SF3B2: variants seen among roughly 807,000 people sequenced by gnomAD.
The protein encoded by SF3B2 is SAP 145.
In SF3B2, 22 loss-of-function variants were observed where a neutral mutation model predicts 116.3. The ratio of observed to expected loss-of-function variants is 0.19; its 90% CI spans 0.14 to 0.27. SF3B2 has a LOEUF of 0.27. Among genes scored for constraint, SF3B2 ranks in the 10% least tolerant of loss-of-function variants. SF3B2 has a pLI of 1.00. For missense variants in SF3B2, 767 were observed against 1,151.4 expected (o/e 0.67, Z 4.83); for synonymous variants, 406 against 421.6 (o/e 0.96, Z 0.45).
chr11:66,062,885 C>T (rs1485372954), intron 16 of SF3B2, 124 bp from the exon 17 acceptor site: 1 of 525,250 alleles, frequency 1.9e-6, no homozygotes, highest in Non-Finnish European at 3.3e-6. Flanking sequence ...TGATTTAATT[C>T]TGCAGTCATA....
At chr11:66,061,424 T>C (rs923704600) in intron 14 of SF3B2, among the ~76,000 whole-genome samples, 2 of 152,214 alleles carry the variant, frequency 1.3e-5, no homozygotes, top group African/African-American at 4.8e-5. Context: ...GAATTTTGCA[T>C]ATCTTCCTGT....
intron 5 of SF3B2, 80 bp from the exon 6 acceptor site, chr11:66,056,758 C>T (rs1304305034): frequency 1.0e-5 from 11 of 1,063,128 alleles, no homozygotes; most frequent in Middle Eastern, 2.0e-4. Context: ...GCCCATTACC[C>T]GGCTGAAAGA....
At chr11:66,064,638 T>G (rs987549692) in intron 19 of SF3B2, 2 of 152,222 alleles carry the variant, frequency 1.3e-5, no homozygotes, top group Admixed American at 1.3e-4. Context: ...GGTTTCTATC[T>G]GATATCATTT....
chr11:66,063,886 G>A (rs1391903114), intron 19 of SF3B2, among the ~76,000 whole-genome samples, 157 bp downstream of exon 19: 1 of 152,192 alleles, frequency 6.6e-6, no homozygotes, highest in Non-Finnish European at 1.5e-5. Flanking sequence ...AGCAGTTGAG[G>A]TAAACTGGTA....
Position 66,052,557 on chromosome 11 carries a change from C to A in SF3B2, c.133+40C>A, listed in dbSNP as rs773740653. The A allele has an allele frequency of 2.5e-6, 4 of 1,597,944 alleles. No homozygotes were observed. The Middle Eastern group carries it at 6.7e-4, about 269-fold the overall frequency. On this transcript the variant is annotated intron_variant, in intron 1 of 21. Transcript: ENST00000322535. ...AAGTCGAGGGGCCTTTACGGGCCTG[C>A]GGAGAAGCGGAGCCTGGTTACCCGG...
In SF3B2 at chr11:66,059,790, T is replaced by C. The variant is rs1389355185; in HGVS notation, c.1410T>C (p.Ala470=). Reference sequence around the variant, plus strand: ...TACTATGTGTTTTCCAGCTGGTGGCTCGGCCCGATGTCGTGGAGATGCACG... The same window carrying C: ...TACTATGTGTTTTCCAGCTGGTGGCCCGGCCCGATGTCGTGGAGATGCACG... ...FTVAELKQLV[A]RPDVVEMHDV... The change falls in exon 13 of 22, where the codon GCT becomes GCC. Residue 470 remains alanine (A), a synonymous_variant. Coordinates refer to ENST00000322535, the MANE Select transcript of SF3B2 (RefSeq NM_006842.3). The surrounding 1 kb of genome is among the most constrained non-coding windows in gnomAD (Gnocchi z 5.0). 2.5e-6 allele frequency: 4 copies of C among 1,614,140 alleles called. No individual in the cohort carries two copies. The South Asian group carries it at 3.3e-5, about 13-fold the overall frequency.
intron 7 of SF3B2, 109 bp from the exon 8 acceptor site, chr11:66,057,945 C>T: frequency 1.2e-6 from 1 of 832,722 alleles, no homozygotes; most frequent in Non-Finnish European, 1.8e-6. Context: ...GCACTCCAGC[C>T]TGGGCAACAA....
In SF3B2 at chr11:66,058,822, C is replaced by T. The variant is rs375585184; in HGVS notation, c.967-8C>T. The T allele has an allele frequency of 6.2e-7, 1 of 1,606,590 alleles. No homozygotes were observed. Among genetic ancestry groups the T allele is most frequent in the Non-Finnish European group, 8.5e-7 (1 of 1,177,320 alleles). On this transcript the variant is annotated splice_region_variant and splice_polypyrimidine_tract_variant and intron_variant, in intron 9 of 21. Transcript: ENST00000322535. ...CCCTGACCCAGCTGGTTTTCCTCCT[C>T]TTGACAGAAAAACCGGAAGCGTAGG...
chr11:66,063,522 C>A lies in SF3B2; in HGVS notation c.2208C>A (p.Gly736=), dbSNP rs1322596431. ...ATGAAGACAAACCAGATGAGACAGG[C>A]TTTATTACCCCTGCAGACAGGTGGG... The part of the protein sequence containing the change: ...ESDEDKPDET[G]FITPADSGLI... Residue 736 remains glycine, a synonymous_variant, in exon 18 of 22, where the codon GGC becomes GGA. Transcript: ENST00000322535. 1.2e-6 allele frequency: 2 copies of A among 1,613,880 alleles called. No homozygotes were observed. Among genetic ancestry groups the A allele is most frequent in the South Asian group, 1.1e-5 (1 of 91,020 alleles).
rs926875692 is a variant in SF3B2, at chr11:66,063,787, GCTGA to G, written c.2330+62_2330+65del. On this transcript the variant is annotated intron_variant, in intron 19 of 21. Coordinates refer to ENST00000322535, the MANE Select transcript of SF3B2 (RefSeq NM_006842.3). The stretch of plus-strand genomic sequence containing the variant: ...ACCTTCACTTCCCTTTGGCTGGCTG[GCTGA>G]CTGTTGTTCCTTTCTCCCTCATCCT... 5.7e-5 allele frequency: 78 copies of G among 1,361,344 alleles called. No homozygotes were observed. The Admixed American group carries it at 2.0e-3, about 34-fold the overall frequency. The allele number at this position is 1,361,344 out of a possible 1,614,324, so 84.3% of individuals were successfully genotyped here.
intron 19 of SF3B2, chr11:66,065,355 T>C (rs1424646300): frequency 6.6e-6 from 1 of 152,242 alleles, no homozygotes; most frequent in African/African-American, 2.4e-5. Context: ...TTCTTACCTT[T>C]GTTCCTGTGT....
In SF3B2 at chr11:66,060,006, G is replaced by A. The variant is rs768423757; in HGVS notation, c.1626G>A (p.Glu542=). 7 of 1,613,456 alleles carry A rather than the reference G, an allele frequency of 4.3e-6. No individual in the cohort carries two copies. Residue 542 remains glutamate (E), a synonymous_variant, in exon 13 of 22, where the codon GAG becomes GAA. Transcript: ENST00000322535. ...GIQEMREALQ[E]KEEQKTMKSK... is the part of the protein sequence containing the mutation. ...AGGAGATGCGAGAGGCCCTGCAGGAGAAGGTGAGGGCCTGGCAGGGCTCAG... is the reference window on the plus strand; with the variant it reads ...AGGAGATGCGAGAGGCCCTGCAGGAAAAGGTGAGGGCCTGGCAGGGCTCAG...
intron 20 of SF3B2, 25 bp from the exon 21 acceptor site, chr11:66,068,123 G>A (rs1857219365): frequency 6.2e-7 from 1 of 1,613,082 alleles, no homozygotes; most frequent in South Asian, 1.1e-5. Context: ...CTTTGGAGAT[G>A]ACCAGGCCCT....
Position 66,055,143 on chromosome 11 carries a change from C to G in SF3B2, c.326C>G (p.Pro109Arg). 1 of 1,585,258 alleles carries G rather than the reference C, an allele frequency of 6.3e-7. No homozygotes were observed. Among genetic ancestry groups the G allele is most frequent in the Non-Finnish European group, 8.6e-7 (1 of 1,161,236 alleles). Residue 109 changes from proline (P) to arginine (R), a missense_variant, in exon 4 of 22, where the codon CCA becomes CGA. Pro to Arg is a moderately radical substitution (Grantham distance 103). Coordinates refer to ENST00000322535, the MANE Select transcript of SF3B2 (RefSeq NM_006842.3). The part of the protein sequence containing the change: ...LPPLQPPPPP[P>R]PPPPGLGLGF... ...CCTCTGCAGCCTCCTCCGCCACCCCCACCACCTCCACCAGGCCTTGGCCTT... is the reference window on the plus strand; with the variant it reads ...CCTCTGCAGCCTCCTCCGCCACCCCGACCACCTCCACCAGGCCTTGGCCTT...
At position 66,058,040 on chromosome 11, in the gene SF3B2, G is replaced by C. The variant is rs1050705687; in HGVS notation, c.778-14G>C. On this transcript the variant is annotated splice_polypyrimidine_tract_variant and intron_variant, in intron 7 of 21. Coordinates refer to ENST00000322535, the MANE Select transcript of SF3B2 (RefSeq NM_006842.3). ...CACTGTGATTTGCCTTCTCTGACTG[G>C]GTGTCTCTGGCAGATGGATGACCCC... is the stretch of plus-strand genomic sequence containing the variant. 3 of 1,584,658 alleles carry C rather than the reference G, an allele frequency of 1.9e-6. No individual in the cohort carries two copies. The highest frequency in any genetic ancestry group is 2.6e-6 in the Non-Finnish European group (3 of 1,164,058).
rs1253210067 is a variant in SF3B2, at chr11:66,061,775, A to G, written c.1869A>G (p.Pro623=). The G allele has an allele frequency of 2.5e-6, 4 of 1,613,086 alleles. No homozygotes were observed. The Admixed American group carries it at 6.7e-5, about 27-fold the overall frequency. ...TTTCCTTGGGGATGCCAGTAGGACC[A>G]GTGAGTGTCAGTTAGCTGTCTGGGG... ...LRISLGMPVG[P]NAHKVPPPWL... The change falls in exon 15 of 22, where the codon CCA becomes CCG. Residue 623 remains proline, a splice_region_variant and synonymous_variant. Transcript: ENST00000322535.
chr11:66,063,460 G>A lies in SF3B2; in HGVS notation c.2146G>A (p.Glu716Lys). 6.2e-7 allele frequency: 1 copy of A among 1,614,218 alleles called. No homozygotes were observed. ...TTGGGGGGAACTGGAACCATCTGAT[G>A]AAGAATCCTCAGAAGAAGAGGAAGA... ...TPWGELEPSD[E>K]ESSEEEEEEE... is the part of the protein sequence containing the mutation. Residue 716 changes from glutamate to lysine, a missense_variant, in exon 18 of 22, where the codon GAA (glutamate) becomes AAA (lysine). By Grantham distance (56) the Glu-to-Lys change is moderately conservative (BLOSUM62 1). Around this residue, in one of 4 missense-constraint regions of SF3B2, gnomAD observed 282 missense variants for 568.0 expected, o/e 0.50. Coordinates refer to ENST00000322535, the MANE Select transcript of SF3B2 (RefSeq NM_006842.3).
intron 3 of SF3B2, 42 bp downstream of exon 3, chr11:66,053,146 C>G: frequency 6.4e-7 from 1 of 1,561,656 alleles, no homozygotes; most frequent in Non-Finnish European, 8.8e-7. Context: ...ATCTGCTGAT[C>G]CTTTTGTAGT....
chr11:66,062,356 C>T (rs1381582834), intron 16 of SF3B2, among the ~76,000 whole-genome samples: 1 of 151,704 alleles, frequency 6.6e-6, no homozygotes, highest in Non-Finnish European at 1.5e-5. Context: ...TTTATCTCAG[C>T]CAGATGTGGT....
Sources: allele counts gnomAD v4.1 joint callset (sites outside exome capture counted in the v4.1 genomes callset), GRCh38; gene constraint gnomAD v4.1.1; regional missense constraint gnomAD v4.1.1; non-coding constraint Gnocchi (gnomAD v3.1); transcripts MANE v1.5; gene names NCBI Gene and HGNC (gene_info 2026-07-23, HGNC 2026-07-21).